LRP1B: variants seen among roughly 807,000 people sequenced by gnomAD.
The protein encoded by LRP1B is low-density lipoprotein receptor-related protein 1B.
Under a neutral mutation model 556.6 loss-of-function variants are expected in LRP1B, and 217 were observed. The ratio of observed to expected loss-of-function variants is 0.39; its 90% CI spans 0.35 to 0.44. LRP1B has a LOEUF of 0.44. Among genes scored for constraint, LRP1B ranks in the 20% least tolerant of loss-of-function variants. The pLI is 1.00. For missense variants in LRP1B, 5,053 were observed against 5,620.8 expected, an observed-to-expected ratio of 0.90 and a Z score of 3.23; for synonymous variants, 2,047 against 1,865.8, an observed-to-expected ratio of 1.10 and a Z score of -2.50.
chr2:141,310,165 T>A (rs1320882210), intron 3 of LRP1B, among the ~76,000 whole-genome samples: 1 of 152,144 alleles, frequency 6.6e-6, no homozygotes, highest in Non-Finnish European at 1.5e-5. Flanking sequence ...CATAAAAGAT[T>A]GTACAGAAGA....
intron 7 of LRP1B, among the ~76,000 whole-genome samples, chr2:141,062,609 C>G (rs1290679653): frequency 6.6e-6 from 1 of 151,730 alleles, no homozygotes; most frequent in Non-Finnish European, 1.5e-5. Flanking sequence ...AGAAGTGAGC[C>G]AAGTCACCAG....
At chr2:140,683,374 C>A in intron 41 of LRP1B, 1 of 502,654 alleles carries the variant, frequency 2.0e-6, no homozygotes, top group South Asian at 1.7e-5. Context: ...TCAGCATCAT[C>A]AAACTATCCT....
chr2:140,294,551 A>C (rs1013945453), intron 84 of LRP1B, among the ~76,000 whole-genome samples: 17 of 152,204 alleles, frequency 1.1e-4, no homozygotes, highest in African/African-American at 4.1e-4. Context: ...AATTTCAAAA[A>C]GCAAATGGTG....
In LRP1B at chr2:141,827,982, C is replaced by A. The variant is rs72485547; in HGVS notation, c.83-17581G>T. Among the ~76,000 whole-genome samples the A allele has an allele frequency of 6.8e-3, 1,036 of 151,902 alleles. 23 individuals carry two copies. The East Asian group carries it at 0.068, about 10-fold the overall frequency. On this transcript the variant is annotated intron_variant, in intron 1 of 90. Coordinates refer to ENST00000389484, the MANE Select transcript of LRP1B (RefSeq NM_018557.3). ...CCAGAGAATTGACAACAGAAGACTG[C>A]CACTTCAACAGGCAGTGCAACATTA...
intron 1 of LRP1B, among the ~76,000 whole-genome samples, chr2:142,119,966 C>T (rs1218707486): frequency 1.3e-5 from 2 of 152,138 alleles, no homozygotes; most frequent in East Asian, 3.9e-4. Flanking sequence ...TCAGGCACTA[C>T]AATGTTTATT....
rs181261131 is a variant in LRP1B at position 140,347,403 on chromosome 2, T to A, written c.11892+3394A>T. Among the ~76,000 whole-genome samples the A allele has an allele frequency of 1.6e-3, 243 of 151,650 alleles. 1 individual carries two copies. The highest frequency in any genetic ancestry group is 6.6e-3 in the Admixed American group (100 of 15,182). On this transcript the variant is annotated intron_variant, in intron 77 of 90. Transcript: ENST00000389484. ...CTGCATTTGAAATTTAAATTTATAA[T>A]AATTATTAGTATTCTAACCATTTTC...
chr2:140,789,768 C>A (rs1182467634), intron 32 of LRP1B, among the ~76,000 whole-genome samples: 1 of 148,988 alleles, frequency 6.7e-6, no homozygotes, highest in Non-Finnish European at 1.5e-5. Flanking sequence ...GTAGCTGGGA[C>A]TACAGGCGCC....
intron 76 of LRP1B, among the ~76,000 whole-genome samples, chr2:140,351,778 T>G (rs1039021956): frequency 3.9e-5 from 6 of 152,146 alleles, no homozygotes; most frequent in African/African-American, 1.4e-4. Context: ...TAATACCTCA[T>G]GAGGTGCCTT....
At chr2:140,347,262 T>G (rs1681731171) in intron 77 of LRP1B, among the ~76,000 whole-genome samples, 1 of 151,882 alleles carries the variant, frequency 6.6e-6, no homozygotes, top group Non-Finnish European at 1.5e-5. Flanking sequence ...TTAAATCATG[T>G]CACTCTTTTA....
chr2:141,547,077 G>T (rs1225447853), intron 2 of LRP1B, among the ~76,000 whole-genome samples: 1 of 152,200 alleles, frequency 6.6e-6, no homozygotes, highest in South Asian at 2.1e-4. Context: ...TATTGTCGTA[G>T]GTAAACATTC....
chr2:140,267,689 G>T (rs1209354316), intron 86 of LRP1B, among the ~76,000 whole-genome samples: 1 of 151,796 alleles, frequency 6.6e-6, no homozygotes, highest in East Asian at 1.9e-4. Flanking sequence ...TGTGGAGTGT[G>T]GGGATATAGA....
chr2:140,633,802 T>C (rs1452214885), intron 41 of LRP1B, among the ~76,000 whole-genome samples: 1 of 152,080 alleles, frequency 6.6e-6, no homozygotes, highest in Non-Finnish European at 1.5e-5. Context: ...AGAAATAGAA[T>C]CAACAATAAT....
At chr2:140,671,865 G>A (rs1685497735) in intron 41 of LRP1B, among the ~76,000 whole-genome samples, 1 of 152,134 alleles carries the variant, frequency 6.6e-6, no homozygotes, top group Admixed American at 6.5e-5. Context: ...TAATGCAGTT[G>A]TTCCTGGTTC....
chr2:140,775,935 T>C (rs1689479259), intron 33 of LRP1B, among the ~76,000 whole-genome samples, 163 bp downstream of exon 33: 1 of 152,200 alleles, frequency 6.6e-6, no homozygotes, highest in African/African-American at 2.4e-5. Context: ...TATGCATCTA[T>C]ATTAAAGACA....
At chr2:141,115,453 TTTTTG>T (rs1700864368) in intron 7 of LRP1B, among the ~76,000 whole-genome samples, 1 of 94,168 alleles carries the variant, frequency 1.1e-5, no homozygotes, top group African/African-American at 3.9e-5. Flanking sequence ...TAGGTTTTTG[TTTTTG>T]TTTTTTTTTT....
chr2:140,421,701 A>G (rs946327276), intron 66 of LRP1B, among the ~76,000 whole-genome samples: 3 of 152,242 alleles, frequency 2.0e-5, no homozygotes, highest in African/African-American at 7.2e-5. Context: ...TTAAGTACAC[A>G]TATATCTTTA....
At chr2:140,604,782 G>C (rs546382163) in intron 41 of LRP1B, among the ~76,000 whole-genome samples, 1 of 151,704 alleles carries the variant, frequency 6.6e-6, no homozygotes, top group Non-Finnish European at 1.5e-5. Context: ...GGACCCAGTC[G>C]GGGGTAATTG....
At chr2:140,909,794 T>G (rs1160440393) in intron 21 of LRP1B, among the ~76,000 whole-genome samples, 3 of 150,848 alleles carry the variant, frequency 2.0e-5, no homozygotes, top group Non-Finnish European at 4.4e-5. Flanking sequence ...GTTTCAAAAT[T>G]AACAGAAAAA....
intron 3 of LRP1B, among the ~76,000 whole-genome samples, chr2:141,259,964 C>A (rs1684625239): frequency 6.6e-6 from 1 of 152,072 alleles, no homozygotes; most frequent in Non-Finnish European, 1.5e-5. Context: ...CTATTGTTAT[C>A]CTGCCATATC....
Sources: gnomAD v4.1 joint callset for allele counts (sites outside exome capture counted in the v4.1 genomes callset) on GRCh38, gnomAD v4.1.1 for gene constraint, MANE v1.5 for transcripts, NCBI Gene and HGNC (gene_info 2026-07-23, HGNC 2026-07-21) for gene names.